HS3ST5: variants seen among roughly 807,000 people sequenced by gnomAD.
HS3ST5 encodes heparan sulfate glucosamine 3-O-sulfotransferase 5.
A neutral mutation model predicts 25.4 loss-of-function variants in HS3ST5; 10 were observed. That is an observed-to-expected ratio of 0.39 (90% CI 0.24 to 0.67). The LOEUF (loss-of-function observed/expected upper bound fraction) is 0.67, where lower values mean the gene tolerates loss of function less well. Among genes scored for constraint, HS3ST5 ranks in the 30% least tolerant of loss-of-function variants. The pLI, the probability that HS3ST5 is intolerant of heterozygous loss-of-function variation, is 0.44. For missense variants in HS3ST5, 324 were observed against 420.7 expected (o/e 0.77, Z 2.01); for synonymous variants, 170 against 162.4 (o/e 1.05, Z -0.36).
At chr6:114,302,752 T>C (rs1775133484) in intron 1 of HS3ST5, among the ~76,000 whole-genome samples, 1 of 152,210 alleles carries the variant, frequency 6.6e-6, no homozygotes, top group Non-Finnish European at 1.5e-5. Flanking sequence ...GGTCCTCCAA[T>C]CCTTTATCTC....
rs535520107 is a variant in HS3ST5 at position 114,151,942 on chromosome 6, T to A, written c.-33+16409A>T. ...AATTATGTTTATTTTATTTTATTTTTTTTAATTTTTGAGACGGAGGGTCTG... is the reference window on the plus strand; with the variant it reads ...AATTATGTTTATTTTATTTTATTTTATTTAATTTTTGAGACGGAGGGTCTG... On this transcript the variant is annotated intron_variant, in intron 3 of 4. Transcript: ENST00000312719. Among the ~76,000 whole-genome samples, 316 of 152,334 alleles carry A rather than the reference T, an allele frequency of 2.1e-3. 6 individuals are homozygous for A. The highest frequency in any genetic ancestry group is 6.9e-4 in the Non-Finnish European group (47 of 68,032).
intron 1 of HS3ST5, among the ~76,000 whole-genome samples, chr6:114,308,198 T>A (rs996306198): frequency 1.3e-5 from 2 of 152,154 alleles, no homozygotes; most frequent in East Asian, 1.9e-4. Context: ...AATTGAATTT[T>A]AAAAAATTAT....
At chr6:114,263,532 C>T (rs726919) in intron 1 of HS3ST5, among the ~76,000 whole-genome samples, 4,777 of 152,266 alleles carry the variant, frequency 0.031, 79 homozygotes, top group Non-Finnish European at 0.046. Flanking sequence ...GTGTTATTTT[C>T]GGCTACTTTT....
rs1242433597 is a variant in HS3ST5, at chr6:114,066,842, C to T, written c.-32-3965G>A. On this transcript the variant is annotated intron_variant, in intron 3 of 4. Transcript: ENST00000312719. ...TGCTCCCCTTGTTCATTTTCTATGGCCCTGTATAGTACTATTAATCTTCCT... is the reference window on the plus strand; with the variant it reads ...TGCTCCCCTTGTTCATTTTCTATGGTCCTGTATAGTACTATTAATCTTCCT... Among the ~76,000 whole-genome samples the T allele has an allele frequency of 1.4e-4, 22 of 152,190 alleles. No homozygotes were observed. The South Asian group carries it at 3.7e-3, about 26-fold the overall frequency.
intron 2 of HS3ST5, among the ~76,000 whole-genome samples, chr6:114,180,758 A>C (rs1162973028): frequency 1.3e-5 from 2 of 152,188 alleles, no homozygotes; most frequent in East Asian, 3.9e-4. Flanking sequence ...CCACATCCTC[A>C]TGACTTCATT....
chr6:114,238,496 T>C (rs1433445571), intron 1 of HS3ST5, among the ~76,000 whole-genome samples: 3 of 152,192 alleles, frequency 2.0e-5, no homozygotes, highest in Non-Finnish European at 4.4e-5. Flanking sequence ...TTTTTTGTTA[T>C]AGTTTCAGGA....
chr6:114,211,320 C>T (rs530796597), intron 2 of HS3ST5, among the ~76,000 whole-genome samples: 14 of 152,212 alleles, frequency 9.2e-5, no homozygotes, highest in East Asian at 7.7e-4. Flanking sequence ...CTTATTTCCT[C>T]GGATTTAGCC....
At chr6:114,253,497 G>A (rs1772761045) in intron 1 of HS3ST5, among the ~76,000 whole-genome samples, 1 of 152,130 alleles carries the variant, frequency 6.6e-6, no homozygotes, top group South Asian at 2.1e-4. Flanking sequence ...ATTTAAATCT[G>A]AAGAGCTACC....
At chr6:114,153,638 G>C (rs1341356630) in intron 3 of HS3ST5, among the ~76,000 whole-genome samples, 1 of 152,204 alleles carries the variant, frequency 6.6e-6, no homozygotes, top group African/African-American at 2.4e-5. Context: ...TATGATAGAA[G>C]TGGCAGTGTG....
chr6:114,292,470 C>T (rs1337430079), intron 1 of HS3ST5, among the ~76,000 whole-genome samples: 2 of 152,144 alleles, frequency 1.3e-5, no homozygotes, highest in Non-Finnish European at 2.9e-5. Flanking sequence ...TCCCAAAAGT[C>T]CCCACTTCCC....
intron 3 of HS3ST5, among the ~76,000 whole-genome samples, chr6:114,156,997 T>G (rs1778729936): frequency 6.6e-6 from 1 of 152,166 alleles, no homozygotes; most frequent in African/African-American, 2.4e-5. Context: ...TCAACGCTAT[T>G]TATTCAACAC....
intron 2 of HS3ST5, among the ~76,000 whole-genome samples, chr6:114,210,825 C>T (rs1262706043): frequency 6.6e-6 from 1 of 152,194 alleles, no homozygotes; most frequent in African/African-American, 2.4e-5. Context: ...GATTTACATA[C>T]CATTCCACAC....
intron 3 of HS3ST5, among the ~76,000 whole-genome samples, chr6:114,115,953 C>G (rs1776505408): frequency 6.6e-6 from 1 of 151,890 alleles, no homozygotes; most frequent in Non-Finnish European, 1.5e-5. Context: ...TGAACTGGCC[C>G]TATAATTCTC....
chr6:114,262,036 G>T (rs1450516896), intron 1 of HS3ST5, among the ~76,000 whole-genome samples: 1 of 152,128 alleles, frequency 6.6e-6, no homozygotes, highest in Admixed American at 6.5e-5. Context: ...ATTAAGTGAG[G>T]TTCGTGCATC....
chr6:114,307,810 C>A (rs1049858020), intron 1 of HS3ST5, among the ~76,000 whole-genome samples: 4 of 151,704 alleles, frequency 2.6e-5, no homozygotes, highest in Non-Finnish European at 5.9e-5. Flanking sequence ...ATTAAAATTT[C>A]TTATCAATAT....
intron 1 of HS3ST5, among the ~76,000 whole-genome samples, chr6:114,258,265 C>G (rs150741258): frequency 1.3e-5 from 2 of 152,244 alleles, no homozygotes; most frequent in East Asian, 3.9e-4. Flanking sequence ...GAGTGCGTGA[C>G]GATTCCCTTC....
chr6:114,124,396 C>T (rs1776936852), intron 3 of HS3ST5, among the ~76,000 whole-genome samples: 1 of 152,192 alleles, frequency 6.6e-6, no homozygotes, highest in African/African-American at 2.4e-5. Flanking sequence ...TTTCATTTCT[C>T]TCAGTCTATA....
At chr6:114,341,240 A>AGAGAGAGAGAGAGG (rs1562281436) in intron 1 of HS3ST5, among the ~76,000 whole-genome samples, 7 of 145,524 alleles carry the variant, frequency 4.8e-5, no homozygotes, top group African/African-American at 1.8e-4. Context: ...AGAGAGAGAG[A>AGAGAGAGAGAGAGG]GAGAGAGAGA....
At chr6:114,121,584 A>T (rs1469857447) in intron 3 of HS3ST5, among the ~76,000 whole-genome samples, 1 of 152,136 alleles carries the variant, frequency 6.6e-6, no homozygotes, top group Non-Finnish European at 1.5e-5. Context: ...TTTTCTTTTT[A>T]TAAAAAATAC....
Sources: gnomAD v4.1 joint callset for allele counts (sites outside exome capture counted in the v4.1 genomes callset) on GRCh38, gnomAD v4.1.1 for gene constraint, MANE v1.5 for transcripts, NCBI Gene and HGNC (gene_info 2026-07-23, HGNC 2026-07-21) for gene names.